The following OSBPL9 variants were observed in gnomAD, a reference collection of about 807,000 sequenced individuals.
OSBPL9 encodes oxysterol binding protein like 9, also known as oxysterol-binding protein-related protein 9.
A neutral mutation model predicts 106.6 loss-of-function variants in OSBPL9; 40 were observed. That is an observed-to-expected ratio of 0.38 (90% confidence interval 0.29 to 0.49). OSBPL9 has a LOEUF of 0.49. OSBPL9 is among the 20% of genes least tolerant of loss of function. OSBPL9 has a pLI of 0.97. For synonymous variants in OSBPL9, 269 were observed against 295.4 expected, an observed-to-expected ratio of 0.91 and a Z score of 0.92; for missense variants, 609 against 887.2, an observed-to-expected ratio of 0.69 and a Z score of 3.98.
intron 14 of OSBPL9, among the ~76,000 whole-genome samples, chr1:51,774,077 G>C (rs1348125043): frequency 6.6e-6 from 1 of 152,044 alleles, no homozygotes; most frequent in Non-Finnish European, 1.5e-5. Flanking sequence ...CCTGCCACTG[G>C]CAAGGGGGAG....
chr1:51,679,141 G>A (rs1374084891), intron 3 of OSBPL9, among the ~76,000 whole-genome samples: 3 of 152,114 alleles, frequency 2.0e-5, no homozygotes, highest in African/African-American at 7.2e-5. Flanking sequence ...GGAGTTTGTT[G>A]TATTATTGAG....
the OSBPL9 span, among the ~76,000 whole-genome samples, chr1:51,532,731 G>A: frequency 6.6e-6 from 1 of 152,120 alleles, no homozygotes; most frequent in African/African-American, 2.4e-5. Context: ...AGGCAAGAGA[G>A]AAGAGGACCT....
intron 3 of OSBPL9, chr1:51,707,069 C>G (rs1002878518): frequency 9.2e-6 from 2 of 217,030 alleles, no homozygotes; most frequent in African/African-American, 4.6e-5. Context: ...CAGGTATTCC[C>G]CAGCAGCTGA....
chr1:51,653,634 A>G (rs1646651755), intron 2 of OSBPL9, among the ~76,000 whole-genome samples: 1 of 152,164 alleles, frequency 6.6e-6, no homozygotes, highest in Non-Finnish European at 1.5e-5. Context: ...CCAAATGTGT[A>G]TCCCTAAGTC....
At chr1:51,681,249 G>C (rs1652493184) in intron 3 of OSBPL9, among the ~76,000 whole-genome samples, 1 of 152,132 alleles carries the variant, frequency 6.6e-6, no homozygotes, top group African/African-American at 2.4e-5. Flanking sequence ...AAAATGCATG[G>C]AAGTAGGCTG....
chr1:51,771,986 T>TA (rs1301338153), intron 12 of OSBPL9, 84 bp from the exon 13 acceptor site: 1 of 955,270 alleles, frequency 1.0e-6, no homozygotes, highest in Non-Finnish European at 1.6e-6. Flanking sequence ...TGCATGCATG[T>TA]AACCAGCTAA....
the OSBPL9 span, among the ~76,000 whole-genome samples, chr1:51,556,228 C>T: frequency 1.3e-5 from 2 of 152,150 alleles, no homozygotes; most frequent in Non-Finnish European, 2.9e-5. Flanking sequence ...ACACTAGTGG[C>T]TATTATCATA....
At chr1:51,774,982 G>GT (rs1307962275) in intron 14 of OSBPL9, among the ~76,000 whole-genome samples, 1 of 151,992 alleles carries the variant, frequency 6.6e-6, no homozygotes, top group African/African-American at 2.4e-5. Context: ...ATCTTGAGTT[G>GT]TAAGAGCTGT....
chr1:51,628,163 C>T (rs1644882698), intron 1 of OSBPL9, among the ~76,000 whole-genome samples: 1 of 151,522 alleles, frequency 6.6e-6, no homozygotes, highest in Non-Finnish European at 1.5e-5. Flanking sequence ...AGAAAAGTCA[C>T]ACCTGAAATC....
chr1:51,574,236 G>C (rs1450023114), upstream of OSBPL9, among the ~76,000 whole-genome samples: 1 of 152,170 alleles, frequency 6.6e-6, no homozygotes, highest in African/African-American at 2.4e-5. Flanking sequence ...TGAATACCAA[G>C]TAGTTGAGGC....
chr1:51,665,809 C>T (rs903464641), intron 2 of OSBPL9, among the ~76,000 whole-genome samples: 3 of 151,964 alleles, frequency 2.0e-5, no homozygotes, highest in South Asian at 2.1e-4. Flanking sequence ...AAGTACGCAG[C>T]GAGAAATGTT....
At chr1:51,773,256 T>C (rs1410627886) in intron 14 of OSBPL9, among the ~76,000 whole-genome samples, 1 of 152,224 alleles carries the variant, frequency 6.6e-6, no homozygotes, top group Non-Finnish European at 1.5e-5. Context: ...TATTGAGTCA[T>C]GCAAAATTAC....
intron 1 of OSBPL9, among the ~76,000 whole-genome samples, chr1:51,640,724 T>C (rs1245525656): frequency 6.6e-6 from 1 of 152,118 alleles, no homozygotes; most frequent in African/African-American, 2.4e-5. Flanking sequence ...CATTTATCTA[T>C]TAATAATACC....
At chr1:51,756,398 C>T (rs779666111) in intron 9 of OSBPL9, 40 bp downstream of exon 9, 8 of 1,579,336 alleles carry the variant, frequency 5.1e-6, no homozygotes, top group East Asian at 2.2e-5. Context: ...TTTACTTCTG[C>T]AGAGCATTAT....
At position 51,680,655 on chromosome 1, in the gene OSBPL9, T is replaced by C. The variant is rs548511629; in HGVS notation, c.241+11143T>C. Among the ~76,000 whole-genome samples, 5 of 151,958 alleles carry C rather than the reference T, an allele frequency of 3.3e-5. No individual in the cohort carries two copies. The East Asian group carries it at 7.8e-4, about 24-fold the overall frequency. On this transcript the variant is annotated intron_variant, in intron 3 of 23. Transcript: ENST00000428468. ...CAGCCTGGGTGACAGAGTGAGACCC[T>C]GTCTCAAAAAAAACAAAAAAAAACC...
chr1:51,602,397 G>A (rs992325943), intron 2 of OSBPL9, among the ~76,000 whole-genome samples: 3 of 146,476 alleles, frequency 2.0e-5, no homozygotes, highest in Non-Finnish European at 3.0e-5. Flanking sequence ...AATCCGTCTC[G>A]TTCATGAAAC....
At chr1:51,766,513 GA>G (rs1672586819) in intron 12 of OSBPL9, among the ~76,000 whole-genome samples, 1 of 152,158 alleles carries the variant, frequency 6.6e-6, no homozygotes, top group African/African-American at 2.4e-5. Context: ...ATAATCTAAT[GA>G]AATACGTGGT....
rs570013880 is a variant in OSBPL9, at chr1:51,701,668, T to G, written c.242-12335T>G. The stretch of plus-strand genomic sequence containing the variant: ...TTTTTTTTGTTTTTTTTTTATACTT[T>G]TAAGTTTTAGGGTACATGTGCACAA... On this transcript the variant is annotated intron_variant, in intron 3 of 23. Coordinates refer to ENST00000428468, the MANE Select transcript of OSBPL9 (RefSeq NM_024586.6). Among the ~76,000 whole-genome samples, 5 of 152,292 alleles carry G rather than the reference T, an allele frequency of 3.3e-5. 1 individual carries two copies. Among genetic ancestry groups the G allele is most frequent in the African/African-American group, 1.2e-4 (5 of 41,568 alleles).
chr1:51,784,071 T>A, intron 18 of OSBPL9, 46 bp downstream of exon 18: 1 of 1,526,632 alleles, frequency 6.6e-7, no homozygotes, highest in Non-Finnish European at 9.1e-7. Flanking sequence ...TAGGAGAATT[T>A]TATGAAAATG....
Sources: allele counts gnomAD v4.1 joint callset (sites outside exome capture counted in the v4.1 genomes callset), GRCh38; gene constraint gnomAD v4.1.1; transcripts MANE v1.5; gene names NCBI Gene and HGNC (gene_info 2026-07-23, HGNC 2026-07-21).